Variants in RAD51B observed in about 807,000 individuals in gnomAD.
RAD51B encodes DNA repair protein RAD51 homolog 2.
Under a neutral mutation model 42.2 loss-of-function variants are expected in RAD51B, and 38 were observed. The observed-to-expected ratio is 0.90, with a 90% CI of 0.70 to 1.18. RAD51B has a LOEUF of 1.18. Among genes scored for constraint, RAD51B ranks in the 50% most tolerant of loss-of-function variants. The pLI is 0.00. For missense variants in RAD51B, 373 were observed against 400.7 expected, an observed-to-expected ratio of 0.93 and a Z score of 0.59; for synonymous variants, 154 against 145.2, an observed-to-expected ratio of 1.06 and a Z score of -0.43.
At chr14:68,525,589 G>A (rs544681873) in intron 10 of RAD51B, among the ~76,000 whole-genome samples, 10 of 152,334 alleles carry the variant, frequency 6.6e-5, no homozygotes, top group African/African-American at 2.4e-4. Flanking sequence ...TCAGCCATCA[G>A]AGTTTCCCTG....
At chr14:68,075,237 A>C (rs2076813457) in intron 7 of RAD51B, among the ~76,000 whole-genome samples, 1 of 152,160 alleles carries the variant, frequency 6.6e-6, no homozygotes, top group Non-Finnish European at 1.5e-5. Context: ...ACAGGGAAGA[A>C]AGACAGGCCT....
At chr14:68,189,980 A>G (rs1268620904) in intron 7 of RAD51B, among the ~76,000 whole-genome samples, 3 of 152,138 alleles carry the variant, frequency 2.0e-5, no homozygotes, top group Non-Finnish European at 4.4e-5. Context: ...TTAAATTTAA[A>G]TTCCCTTAAA....
intron 7 of RAD51B, among the ~76,000 whole-genome samples, chr14:67,921,620 CACAT>C (rs1361863420): frequency 1.6e-5 from 2 of 128,584 alleles, no homozygotes; most frequent in Non-Finnish European, 3.4e-5. Context: ...CACACACACA[CACAT>C]TTTGTGGTTA....
chr14:68,248,764 G>C (rs549242494), intron 7 of RAD51B, among the ~76,000 whole-genome samples: 1 of 152,220 alleles, frequency 6.6e-6, no homozygotes, highest in Non-Finnish European at 1.5e-5. Context: ...CCAAGATACT[G>C]TCTTTAAGAT....
At chr14:68,135,044 C>T (rs779581639) in intron 7 of RAD51B, among the ~76,000 whole-genome samples, 4 of 152,080 alleles carry the variant, frequency 2.6e-5, no homozygotes, top group Non-Finnish European at 5.9e-5. Flanking sequence ...CCTGCTCTAC[C>T]TTCTTTTTCA....
chr14:68,639,483 A>G (rs1401331304), intron 10 of RAD51B, among the ~76,000 whole-genome samples: 1 of 152,196 alleles, frequency 6.6e-6, no homozygotes, highest in African/African-American at 2.4e-5. Flanking sequence ...CTGGTGGGCT[A>G]CACATATCTG....
chr14:68,417,727 A>G (rs1299255594), intron 9 of RAD51B, among the ~76,000 whole-genome samples: 2 of 152,224 alleles, frequency 1.3e-5, no homozygotes, highest in Non-Finnish European at 2.9e-5. Flanking sequence ...TCCCATTTCC[A>G]TCTCCACATT....
At chr14:68,142,882 C>T (rs932527829) in intron 7 of RAD51B, among the ~76,000 whole-genome samples, 2 of 151,732 alleles carry the variant, frequency 1.3e-5, no homozygotes, top group African/African-American at 4.8e-5. Context: ...CAGAACACAT[C>T]ACAGTTTTTA....
intron 10 of RAD51B, among the ~76,000 whole-genome samples, chr14:68,638,834 A>G (rs909757567): frequency 3.3e-5 from 5 of 152,120 alleles, no homozygotes; most frequent in African/African-American, 9.7e-5. Flanking sequence ...CATCTCAGAG[A>G]AGGAAGGGTT....
intron 9 of RAD51B, among the ~76,000 whole-genome samples, chr14:68,465,960 AAAT>A (rs534728501): frequency 7.2e-5 from 4 of 55,676 alleles, no homozygotes; most frequent in Admixed American, 1.5e-4. Context: ...AAAAATAAAT[AAAT>A]AAATAAATAA....
intron 7 of RAD51B, among the ~76,000 whole-genome samples, chr14:68,005,305 ACCT>A (rs1461855440): frequency 2.0e-5 from 3 of 151,394 alleles, no homozygotes; most frequent in Non-Finnish European, 4.4e-5. Flanking sequence ...GCCTGCCTCG[ACCT>A]CCCAAAGTGC....
At chr14:68,224,818 C>G (rs1470826307) in intron 7 of RAD51B, among the ~76,000 whole-genome samples, 1 of 151,962 alleles carries the variant, frequency 6.6e-6, no homozygotes, top group Admixed American at 6.6e-5. Context: ...CTCAGCCTCC[C>G]GAGTAGCTGG....
rs573237330 is a variant in RAD51B at position 68,465,456 on chromosome 14, A to G, written c.958-2716A>G. 1.2e-4 allele frequency among the ~76,000 whole-genome samples: 18 copies of G among 152,326 alleles called. No homozygotes were observed. The East Asian group carries it at 2.7e-3, about 23-fold the overall frequency. On this transcript the variant is annotated intron_variant, in intron 9 of 10. Transcript: ENST00000471583. ...AACCTGGCTACTCAAAATGTAGTCT[A>G]TGAACCACAGCATCATCGTCTCTTG... is the stretch of plus-strand genomic sequence containing the variant.
At chr14:68,486,502 C>T (rs754835937) in intron 10 of RAD51B, among the ~76,000 whole-genome samples, 9 of 152,150 alleles carry the variant, frequency 5.9e-5, no homozygotes, top group Non-Finnish European at 1.2e-4. Flanking sequence ...AGGCAGAAGC[C>T]AGTTTGGCTT....
At chr14:68,658,191 G>C (rs1595050718) in intron 11 of RAD51B, among the ~76,000 whole-genome samples, 1 of 152,368 alleles carries the variant, frequency 6.6e-6, no homozygotes, top group East Asian at 1.9e-4. Flanking sequence ...GAGCTCCCCA[G>C]CTGCTCTCTG....
intron 10 of RAD51B, among the ~76,000 whole-genome samples, chr14:68,526,139 T>A (rs1210320863): frequency 6.6e-6 from 1 of 152,244 alleles, no homozygotes; most frequent in Non-Finnish European, 1.5e-5. Context: ...GTCTGGGTCA[T>A]GTTCAGTGCT....
intron 10 of RAD51B, chr14:68,497,273 T>A: frequency 2.3e-6 from 3 of 1,317,378 alleles, no homozygotes; most frequent in Admixed American, 2.7e-5. Context: ...GTTGCTACTG[T>A]GTAGACTCAG....
intron 10 of RAD51B, among the ~76,000 whole-genome samples, chr14:68,620,323 C>T (rs1453420311): frequency 2.6e-5 from 4 of 152,284 alleles, no homozygotes; most frequent in Admixed American, 1.3e-4. Context: ...CTAAGAATAG[C>T]AACCTTCCCT....
At chr14:68,232,470 A>C (rs751562300) in intron 7 of RAD51B, among the ~76,000 whole-genome samples, 16 of 152,208 alleles carry the variant, frequency 1.1e-4, no homozygotes, top group Non-Finnish European at 2.4e-4. Flanking sequence ...TTTGCCAAGC[A>C]CTGTGCTAGG....
Sources: allele counts gnomAD v4.1 joint callset (sites outside exome capture counted in the v4.1 genomes callset), GRCh38; gene constraint gnomAD v4.1.1; transcripts MANE v1.5; gene names NCBI Gene and HGNC (gene_info 2026-07-23, HGNC 2026-07-21).